Variants in NUP98 observed in about 807,000 individuals in gnomAD.
The protein encoded by NUP98 is nucleoporin 98 and 96 precursor.
In NUP98, 26 loss-of-function variants were observed where a neutral mutation model predicts 191.9. The ratio of observed to expected loss-of-function variants is 0.14; its 90% CI spans 0.10 to 0.19. The LOEUF (loss-of-function observed/expected upper bound fraction) is 0.19. NUP98 is among the 10% of genes least tolerant of loss of function. The pLI, the probability that NUP98 is intolerant of heterozygous loss-of-function variation, is 1.00. For synonymous variants in NUP98, 808 were observed against 778.4 expected, an observed-to-expected ratio of 1.04 and a Z score of -0.63; for missense variants, 1,941 against 2,178.8, an observed-to-expected ratio of 0.89 and a Z score of 2.17.
intron 20 of NUP98, chr11:3,711,754 T>C: frequency 1.6e-6 from 1 of 630,460 alleles, no homozygotes; most frequent in Non-Finnish European, 2.0e-6. Flanking sequence ...TAAAAGTCAA[T>C]ATATTTCCAG....
chr11:3,752,950 T>C (rs1369761156), intron 11 of NUP98, among the ~76,000 whole-genome samples: 2 of 152,106 alleles, frequency 1.3e-5, no homozygotes, highest in Non-Finnish European at 2.9e-5. Context: ...TTGCTCTGCC[T>C]TTCTATTAGG....
chr11:3,693,063 G>A, intron 27 of NUP98, 169 bp downstream of exon 27: 1 of 637,810 alleles, frequency 1.6e-6, no homozygotes, highest in Non-Finnish European at 2.7e-6. Context: ...AAAGTCAACT[G>A]TGGAATCTCA....
intron 23 of NUP98, among the ~76,000 whole-genome samples, chr11:3,701,146 T>G (rs1053029515): frequency 6.6e-6 from 1 of 152,152 alleles, no homozygotes; most frequent in African/African-American, 2.4e-5. Flanking sequence ...GTGGGATACC[T>G]GTTTCTCAAA....
rs769091268 is a variant in NUP98 at position 3,735,172 on chromosome 11, G to T, written c.1542+19C>A. ...TCTTTCTTTGATATGATATTTTACA[G>T]AAGTATCCTTAAATTTACCTCTTCC... On this transcript the variant is annotated intron_variant, in intron 13 of 32. Transcript: ENST00000324932. The T allele has an allele frequency of 1.3e-6, 2 of 1,547,776 alleles. No homozygotes were observed. The highest frequency in any genetic ancestry group is 2.3e-5 in the East Asian group (1 of 43,966).
chr11:3,738,087 CAAAAA>C (rs61502115), intron 12 of NUP98, among the ~76,000 whole-genome samples: 5 of 69,734 alleles, frequency 7.2e-5, no homozygotes, highest in African/African-American at 2.5e-4. Flanking sequence ...TGGGCGTTCT[CAAAAA>C]AAAAAAAAAA....
chr11:3,694,897 T>C (rs1564812869), intron 26 of NUP98, among the ~76,000 whole-genome samples: 1 of 152,046 alleles, frequency 6.6e-6, no homozygotes, highest in Non-Finnish European at 1.5e-5. Flanking sequence ...TAAATTCTTT[T>C]TTAAATGAAC....
chr11:3,717,046 C>T (rs2079209642), intron 18 of NUP98, among the ~76,000 whole-genome samples: 1 of 152,152 alleles, frequency 6.6e-6, no homozygotes, highest in Admixed American at 6.6e-5. Flanking sequence ...CTTTGTCACA[C>T]AGGCTGGAGT....
chr11:3,676,247 C>A lies in NUP98; in HGVS notation c.5315G>T (p.Arg1772Leu). 3.7e-6 allele frequency: 6 copies of A among 1,614,156 alleles called. No homozygotes were observed. Among genetic ancestry groups the A allele is most frequent in the Non-Finnish European group, 4.2e-6 (5 of 1,180,036 alleles). The part of the protein sequence containing the change: ...PLRLLAPHIG[R>L]LPMPEDYAMD... ...GGCATAGTCCTCAGGCATGGGAAGC[C>A]GGCCAATGTGGGGAGCCAAGAGGCG... Residue 1772 changes from arginine to leucine, a missense_variant, in exon 33 of 33, where the codon CGG becomes CTG. Around this residue, in one of 6 missense-constraint regions of NUP98, gnomAD observed 1,030 missense variants for 1,115.8 expected, o/e 0.92. Coordinates refer to ENST00000324932, the MANE Select transcript of NUP98 (RefSeq NM_016320.5).
Position 3,725,238 on chromosome 11 carries a change from A to C in NUP98, c.1731-19T>G. ...GCTCTTCCTATAAACAAGAAACCAA[A>C]AGAAGAAGAAAAAAATTACTCAGGC... On this transcript the variant is annotated intron_variant, in intron 14 of 32. Coordinates refer to ENST00000324932, the MANE Select transcript of NUP98 (RefSeq NM_016320.5). 8.4e-7 allele frequency: 1 copy of C among 1,194,510 alleles called. No individual in the cohort carries two copies. Among genetic ancestry groups the C allele is most frequent in the Non-Finnish European group, 1.2e-6 (1 of 815,358 alleles). The allele number at this position is 1,194,510 out of a possible 1,614,324, so 74.0% of individuals were successfully genotyped here. A position where few individuals can be genotyped will look rare whatever the true frequency, so the allele number is the denominator to read the frequency against.
chr11:3,778,250 T>G (rs1451251060), intron 4 of NUP98, among the ~76,000 whole-genome samples: 5 of 151,192 alleles, frequency 3.3e-5, no homozygotes, highest in Admixed American at 2.0e-4. Flanking sequence ...TGGCTGGCTA[T>G]TCATTCTTCC....
At chr11:3,707,738 CAAA>C (rs560101220) in intron 20 of NUP98, among the ~76,000 whole-genome samples, 2 of 48,568 alleles carry the variant, frequency 4.1e-5, no homozygotes, top group Non-Finnish European at 6.6e-5. Flanking sequence ...GACTCTGTCT[CAAA>C]AAAAAAAAAA....
intron 8 of NUP98, among the ~76,000 whole-genome samples, chr11:3,767,615 C>T (rs2081382297): frequency 6.6e-6 from 1 of 152,068 alleles, no homozygotes; most frequent in African/African-American, 2.4e-5. Context: ...GCTACTGTGC[C>T]CAGCCCATAC....
At chr11:3,789,513 T>C (rs867893940) in intron 1 of NUP98, among the ~76,000 whole-genome samples, 69 of 151,554 alleles carry the variant, frequency 4.6e-4, no homozygotes, top group African/African-American at 1.7e-3. Context: ...TTTTTTTTTT[T>C]TTTTTTTTGG....
At chr11:3,723,571 A>G in intron 15 of NUP98, 116 bp from the exon 16 acceptor site, 1 of 796,954 alleles carries the variant, frequency 1.3e-6, no homozygotes, top group Non-Finnish European at 2.0e-6. Context: ...AGTTCCATGT[A>G]TTAAAAATTC....
intron 11 of NUP98, among the ~76,000 whole-genome samples, chr11:3,752,155 A>G (rs1352456203): frequency 7.9e-5 from 12 of 151,352 alleles, no homozygotes; most frequent in Admixed American, 3.3e-4. Context: ...AAAAAAAAAA[A>G]GGGAAATTGA....
At chr11:3,767,712 T>C (rs952759814) in intron 8 of NUP98, among the ~76,000 whole-genome samples, 19 of 152,098 alleles carry the variant, frequency 1.2e-4, no homozygotes, top group Admixed American at 5.2e-4. Flanking sequence ...CACTTCCTTC[T>C]TTAATTTCAT....
chr11:3,770,221 C>T lies in NUP98; in HGVS notation c.785-1477G>A, dbSNP rs901133099. Among the ~76,000 whole-genome samples, 4 of 152,182 alleles carry T rather than the reference C, an allele frequency of 2.6e-5. No homozygotes were observed. In the South Asian group the frequency reaches 8.3e-4, roughly 32 times the overall value. On this transcript the variant is annotated intron_variant, in intron 7 of 32. Transcript: ENST00000324932. The stretch of plus-strand genomic sequence containing the variant: ...ATTGGCCAGGCATGGTGGCGGGTGC[C>T]TGTAATCCCAACTCCTTGGGAGGCT...
intron 28 of NUP98, among the ~76,000 whole-genome samples, chr11:3,688,824 T>TATATATATATATATATTTAAATATAC (rs1554886599): frequency 1.3e-4 from 19 of 141,552 alleles, no homozygotes; most frequent in African/African-American, 2.9e-4. Flanking sequence ...AATATACATA[T>TATATATATATATATATTTAAATATAC]ATATATATAT....
At chr11:3,766,742 T>C (rs2081354270) in intron 8 of NUP98, among the ~76,000 whole-genome samples, 1 of 151,814 alleles carries the variant, frequency 6.6e-6, no homozygotes, top group African/African-American at 2.4e-5. Flanking sequence ...CAACTTGTTG[T>C]TTTTCAAGAT....
Sources: gnomAD v4.1 joint callset for allele counts (sites outside exome capture counted in the v4.1 genomes callset) on GRCh38, gnomAD v4.1.1 for gene constraint, gnomAD v4.1.1 regional missense constraint, MANE v1.5 for transcripts, NCBI Gene and HGNC (gene_info 2026-07-23, HGNC 2026-07-21) for gene names.